The following MYO5B variants were observed in gnomAD, a reference collection of about 807,000 sequenced individuals.
MYO5B encodes the protein myosin VB.
MYO5B carries 143 observed loss-of-function variants against 229.3 expected under a neutral mutation model. The ratio of observed to expected loss-of-function variants is 0.62; its 90% CI spans 0.54 to 0.72. The LOEUF is 0.72. Among genes scored for constraint, MYO5B ranks in the 30% least tolerant of loss-of-function variants. The pLI is 0.00. For synonymous variants in MYO5B, 918 were observed against 885.2 expected (o/e 1.04, Z -0.66); for missense variants, 2,321 against 2,331.0 (o/e 1.00, Z 0.09).
rs372291354 is a variant in MYO5B, at chr18:49,958,436, G to A, written c.1545+3830C>T. Among the ~76,000 whole-genome samples the A allele has an allele frequency of 2.6e-5, 4 of 152,082 alleles. No homozygotes were observed. In the South Asian group the frequency reaches 6.2e-4, roughly 24 times the overall value. On this transcript the variant is annotated intron_variant, in intron 12 of 39. Transcript: ENST00000285039. ...CCTGCTGCCTCTCAGCAGATGCCTC[G>A]TCTCTTCCTTCATGGGGAAATAGAA... is the stretch of plus-strand genomic sequence containing the variant.
chr18:49,895,199 G>A (rs1343410075), intron 21 of MYO5B, 25 bp from the exon 22 acceptor site: 2 of 1,582,012 alleles, frequency 1.3e-6, no homozygotes, highest in African/African-American at 2.7e-5. Context: ...AGCAAACAAG[G>A]AGAAGGGAGA....
chr18:49,831,893 A>G (rs1299035103), intron 39 of MYO5B, among the ~76,000 whole-genome samples: 1 of 152,222 alleles, frequency 6.6e-6, no homozygotes, highest in East Asian at 1.9e-4. Flanking sequence ...GGATATATAA[A>G]GGGAATATTA....
chr18:50,195,107 G>A lies in MYO5B; in HGVS notation c.-314C>T, dbSNP rs1016155823. On this transcript the variant is annotated 5_prime_UTR_variant, in exon 1 of 40. Transcript: ENST00000285039. Reference sequence around the variant, plus strand: ...GAGGGCCGGCGAGGAGGGAGGACCCGCTCGCGTCAGAGCGGACGGCCCGTG... The same window carrying A: ...GAGGGCCGGCGAGGAGGGAGGACCCACTCGCGTCAGAGCGGACGGCCCGTG... 8.1e-6 allele frequency: 2 copies of A among 247,022 alleles called. No individual in the cohort carries two copies. The highest frequency in any genetic ancestry group is 1.5e-5 in the Non-Finnish European group (2 of 130,148). 15.3% of individuals were successfully genotyped at this position (247,022 alleles called of 1,614,324 possible).
intron 9 of MYO5B, among the ~76,000 whole-genome samples, chr18:49,977,251 T>A (rs2025761646): frequency 6.6e-6 from 1 of 152,182 alleles, no homozygotes; most frequent in Non-Finnish European, 1.5e-5. Context: ...GCTAAATCCA[T>A]TAAAAATAGC....
intron 12 of MYO5B, among the ~76,000 whole-genome samples, chr18:49,957,142 C>CAAAAAAAAAGAAAA (rs2025501796): frequency 1.7e-5 from 1 of 58,736 alleles, no homozygotes; most frequent in South Asian, 8.4e-4. Context: ...AATAAAGTAG[C>CAAAAAAAAAGAAAA]AAAAAAAAAA....
chr18:49,973,099 C>T (rs754036931), intron 10 of MYO5B, among the ~76,000 whole-genome samples: 4 of 152,148 alleles, frequency 2.6e-5, no homozygotes, highest in Non-Finnish European at 4.4e-5. Flanking sequence ...TTGTACAGCA[C>T]GAAGCATCCA....
intron 29 of MYO5B, among the ~76,000 whole-genome samples, chr18:49,861,172 T>C (rs1456649182): frequency 6.6e-6 from 1 of 152,230 alleles, no homozygotes; most frequent in Admixed American, 6.5e-5. Context: ...GCTATTAATT[T>C]CCTATTGTAC....
In MYO5B at chr18:49,929,610, G is replaced by GAAA. The variant is rs56278513; in HGVS notation, c.2004-15_2004-13dup. 3.7e-4 allele frequency: 482 copies of GAAA among 1,288,082 alleles called. No individual in the cohort carries two copies. The highest frequency in any genetic ancestry group is 5.4e-4 in the South Asian group (40 of 74,390). The allele number at this position is 1,288,082 out of a possible 1,614,324, so 79.8% of individuals were successfully genotyped here. A position where few individuals can be genotyped will look rare whatever the true frequency, so the allele number is the denominator to read the frequency against. On this transcript the variant is annotated splice_polypyrimidine_tract_variant and intron_variant, in intron 16 of 39. Coordinates refer to ENST00000285039, the MANE Select transcript of MYO5B (RefSeq NM_001080467.3). ...TCTTTGGGTCAAAGCTGCCAAAGGA[G>GAAA]AAAAAAAAAAAAAAAAGCAAGACAA... is the stretch of plus-strand genomic sequence containing the variant.
At position 49,876,093 on chromosome 18, in the gene MYO5B, C is replaced by T. The variant is rs139202442; in HGVS notation, c.3397-266G>A. 2.6e-3 allele frequency: 1,262 copies of T among 477,742 alleles called. 6 individuals carry two copies. The highest frequency in any genetic ancestry group is 0.016 in the Middle Eastern group (26 of 1,644). 29.6% of individuals were successfully genotyped at this position (477,742 alleles called of 1,614,324 possible). On this transcript the variant is annotated intron_variant, in intron 25 of 39. Coordinates refer to ENST00000285039, the MANE Select transcript of MYO5B (RefSeq NM_001080467.3). ...GTGTGAGCCACTTAAAATGACCAAC[C>T]ATATATTCCAAGAACAAATGGATAA...
At chr18:49,921,958 A>C (rs574199735) in intron 17 of MYO5B, among the ~76,000 whole-genome samples, 5 of 152,226 alleles carry the variant, frequency 3.3e-5, no homozygotes, top group South Asian at 2.1e-4. Flanking sequence ...TTTCTTTTGG[A>C]AACAGCTGTG....
chr18:50,040,372 T>G lies in MYO5B; in HGVS notation c.139-58A>C. The G allele has an allele frequency of 2.0e-6, 3 of 1,469,854 alleles. No individual in the cohort carries two copies. The South Asian group carries it at 3.4e-5, about 17-fold the overall frequency. 91.1% of individuals were successfully genotyped at this position (1,469,854 alleles called of 1,614,324 possible). A position where few individuals can be genotyped will look rare whatever the true frequency, so the allele number is the denominator to read the frequency against. ...TGGTTATGAAGCGTTAAGTCTGTATTCAATGTCCTGTCTTCTTAGCTGGAA... is the reference window on the plus strand; with the variant it reads ...TGGTTATGAAGCGTTAAGTCTGTATGCAATGTCCTGTCTTCTTAGCTGGAA... On this transcript the variant is annotated intron_variant, in intron 2 of 39. Transcript: ENST00000285039.
intron 4 of MYO5B, among the ~76,000 whole-genome samples, chr18:50,013,502 CA>C (rs1336677633): frequency 1.6e-4 from 24 of 152,208 alleles, no homozygotes; most frequent in Admixed American, 1.2e-3. Flanking sequence ...AGGCCAAAAA[CA>C]GCCAGCCCTC....
At chr18:49,961,548 G>T (rs1263957855) in intron 12 of MYO5B, among the ~76,000 whole-genome samples, 1 of 152,240 alleles carries the variant, frequency 6.6e-6, no homozygotes, top group Admixed American at 6.5e-5. Context: ...CCTTGCAATA[G>T]CAAGAATCAT....
intron 35 of MYO5B, among the ~76,000 whole-genome samples, chr18:49,839,647 T>TC (rs1324282974): frequency 6.6e-6 from 1 of 152,174 alleles, no homozygotes; most frequent in East Asian, 1.9e-4. Context: ...ATATATCAGG[T>TC]CCCCCTAAAA....
chr18:49,965,786 G>A (rs568697977), intron 10 of MYO5B, among the ~76,000 whole-genome samples: 3 of 152,254 alleles, frequency 2.0e-5, no homozygotes, highest in Admixed American at 6.5e-5. Flanking sequence ...CATGAAAAAG[G>A]AAAAACAGAT....
At chr18:50,064,064 T>C (rs2852101) in intron 1 of MYO5B, 148,886 of 152,296 alleles carry the variant, frequency 0.98, 72,869 homozygotes, top group East Asian at 1. Flanking sequence ...TTAGAAATAC[T>C]TATCAAGCAA....
chr18:49,902,122 T>C (rs1175993423), intron 21 of MYO5B, among the ~76,000 whole-genome samples: 1 of 152,072 alleles, frequency 6.6e-6, no homozygotes, highest in East Asian at 1.9e-4. Flanking sequence ...GCTCTGGAGG[T>C]CAGGAGTCTG....
intron 1 of MYO5B, among the ~76,000 whole-genome samples, chr18:50,077,694 C>G (rs961495303): frequency 2.0e-5 from 3 of 152,114 alleles, no homozygotes; most frequent in Admixed American, 6.6e-5. Context: ...CTTAAAACAA[C>G]GCAACTTCAA....
intron 1 of MYO5B, among the ~76,000 whole-genome samples, chr18:50,092,224 G>C (rs928490407): frequency 3.9e-5 from 6 of 152,208 alleles, no homozygotes; most frequent in Admixed American, 3.3e-4. Flanking sequence ...GAAAAGATTA[G>C]AAGAGAAAAA....
Sources: gnomAD v4.1 joint callset for allele counts (sites outside exome capture counted in the v4.1 genomes callset) on GRCh38, gnomAD v4.1.1 for gene constraint, MANE v1.5 for transcripts, NCBI Gene and HGNC (gene_info 2026-07-23, HGNC 2026-07-21) for gene names.